Variants in GATA4 observed in about 807,000 individuals in gnomAD.
GATA4 encodes transcription factor GATA-4.
In GATA4, 7 loss-of-function variants were observed where a neutral mutation model predicts 37.9. The observed-to-expected ratio is 0.18, with a 90% CI of 0.11 to 0.35. The LOEUF is 0.35. Ranked by LOEUF, GATA4 falls within the 10% of genes least tolerant of loss-of-function variation. GATA4 has a pLI of 1.00. For missense variants in GATA4, 647 were observed against 653.0 expected (o/e 0.99, Z 0.10); for synonymous variants, 372 against 292.6 (o/e 1.27, Z -2.77).
rs551079040 is a variant in GATA4, at chr8:11,745,276, G to A, written c.617-3640G>A. On this transcript the variant is annotated intron_variant, in intron 2 of 6. Coordinates refer to ENST00000532059, the MANE Select transcript of GATA4 (RefSeq NM_001308093.3). Reference sequence around the variant, plus strand: ...CCTGCGTCCTTTAATAAGATTCTGGGGTGGGCACAGTTCTGGGGTGGACAT... The same window carrying A: ...CCTGCGTCCTTTAATAAGATTCTGGAGTGGGCACAGTTCTGGGGTGGACAT... 1.3e-4 allele frequency among the ~76,000 whole-genome samples: 20 copies of A among 152,150 alleles called. No individual in the cohort carries two copies. The East Asian group carries it at 3.7e-3, about 28-fold the overall frequency.
At chr8:11,739,534 C>A (rs571510578) in intron 2 of GATA4, among the ~76,000 whole-genome samples, 17 of 149,440 alleles carry the variant, frequency 1.1e-4, no homozygotes, top group Non-Finnish European at 1.2e-4. Flanking sequence ...CACACACACA[C>A]GGAAACTTCT....
chr8:11,697,423 A>G (rs951752878), intron 1 of GATA4: 2 of 394,780 alleles, frequency 5.1e-6, no homozygotes, highest in East Asian at 1.6e-4. Context: ...CTGTTGTTAC[A>G]AGAAACCGAT....
At chr8:11,729,147 C>G (rs1388800652) in intron 2 of GATA4, among the ~76,000 whole-genome samples, 1 of 152,192 alleles carries the variant, frequency 6.6e-6, no homozygotes, top group African/African-American at 2.4e-5. Flanking sequence ...GCAGGAGAAT[C>G]ACTTGAACCT....
chr8:11,708,231 T>C lies in GATA4; in HGVS notation c.-82T>C, dbSNP rs1178934934. 2.3e-5 allele frequency: 34 copies of C among 1,464,488 alleles called. No individual in the cohort carries two copies. Among genetic ancestry groups the C allele is most frequent in the Non-Finnish European group, 3.0e-5 (33 of 1,082,706 alleles). 90.7% of individuals were successfully genotyped at this position (1,464,488 alleles called of 1,614,324 possible). Reference sequence around the variant, plus strand: ...GTTCCTCCCACGCATATTATCGTTGTTGCCGTCGTTTTCTCTCCCCGCGTG... The same window carrying C: ...GTTCCTCCCACGCATATTATCGTTGCTGCCGTCGTTTTCTCTCCCCGCGTG... On this transcript the variant is annotated 5_prime_UTR_variant, in exon 2 of 7. Coordinates refer to ENST00000532059, the MANE Select transcript of GATA4 (RefSeq NM_001308093.3). The surrounding 1 kb of genome is among the most constrained non-coding windows in gnomAD (Gnocchi z 6.7).
chr8:11,745,374 G>C (rs1585677252), intron 2 of GATA4, among the ~76,000 whole-genome samples: 1 of 135,400 alleles, frequency 7.4e-6, no homozygotes, highest in African/African-American at 3.0e-5. Context: ...AGGAGTTCAA[G>C]ACCAGTCTGT....
chr8:11,708,787 TC>T lies in GATA4; in HGVS notation c.477del (p.Ser160AlafsTer47). The T allele has an allele frequency of 6.8e-7, 1 of 1,468,454 alleles. No individual in the cohort carries two copies. The highest frequency in any genetic ancestry group is 9.0e-7 in the Non-Finnish European group (1 of 1,116,962). 91.0% of individuals were successfully genotyped at this position (1,468,454 alleles called of 1,614,324 possible). The part of the protein sequence containing the change: ...YGRAGFAGSY[S>X]SPYPAYMADV... The stretch of plus-strand genomic sequence containing the variant: ...GCGCGCCGGCTTCGCGGGCTCCTAC[TC>T]CAGCCCCTACCCGGCTTACATGGCC... On this transcript the variant is annotated frameshift_variant, in exon 2 of 7. Coordinates refer to ENST00000532059, the MANE Select transcript of GATA4 (RefSeq NM_001308093.3). LOFTEE classifies it high-confidence loss of function. The surrounding 1 kb of genome is among the most constrained non-coding windows in gnomAD (Gnocchi z 6.7).
At position 11,680,609 on chromosome 8, in the gene GATA4, C is replaced by T. The variant is rs552949184; in HGVS notation, c.-274+3546C>T. The T allele has an allele frequency of 3.5e-5, 34 of 985,314 alleles. 1 individual carries two copies. The South Asian group carries it at 1.5e-3, about 44-fold the overall frequency. The allele number at this position is 985,314 out of a possible 1,614,324, so 61.0% of individuals were successfully genotyped here. A position where few individuals can be genotyped will look rare whatever the true frequency, so the allele number is the denominator to read the frequency against. On this transcript the variant is annotated intron_variant, in intron 1 of 6. Coordinates refer to the GATA4 transcript ENST00000528712. ...TGCCCAGCCGGGTCCGAGCGGCGGT[C>T]GGTGGCGTGACCTCTTGCCACGCCT...
chr8:11,699,605 C>T (rs1043637652), upstream of GATA4, among the ~76,000 whole-genome samples: 2 of 152,244 alleles, frequency 1.3e-5, no homozygotes, highest in Admixed American at 6.5e-5. Context: ...CATGGCGGCG[C>T]CTGCGTGGCC....
chr8:11,688,839 A>T (rs570223682), upstream of GATA4, among the ~76,000 whole-genome samples: 1 of 152,360 alleles, frequency 6.6e-6, no homozygotes, highest in South Asian at 2.1e-4. Context: ...CCTGAAGCAC[A>T]AACTGGTGGA....
chr8:11,729,925 C>T (rs1168046421), intron 2 of GATA4, among the ~76,000 whole-genome samples: 1 of 143,838 alleles, frequency 7.0e-6, no homozygotes, highest in East Asian at 1.9e-4. Flanking sequence ...TATTTGTTGT[C>T]GTTGTTTCTA....
intron 1 of GATA4, chr8:11,694,572 TCATGGAAGC>T (rs1799448368): frequency 1.1e-6 from 1 of 924,438 alleles, no homozygotes. Flanking sequence ...ACAGAGAAGA[TCATGGAAGC>T]CAAACTGTCT....
chr8:11,732,899 C>G (rs899323607), intron 2 of GATA4, among the ~76,000 whole-genome samples: 2 of 152,058 alleles, frequency 1.3e-5, no homozygotes, highest in African/African-American at 4.8e-5. Flanking sequence ...GAGGGAAAGA[C>G]TTCGAGAGCT....
At chr8:11,720,110 C>G (rs557257025) in intron 2 of GATA4, among the ~76,000 whole-genome samples, 3 of 151,882 alleles carry the variant, frequency 2.0e-5, no homozygotes, top group East Asian at 2.0e-4. Flanking sequence ...CTCCCAGACC[C>G]TTCTCTTCCT....
intron 2 of GATA4, among the ~76,000 whole-genome samples, chr8:11,745,958 T>C (rs1563225263): frequency 6.6e-6 from 1 of 152,162 alleles, no homozygotes; most frequent in Non-Finnish European, 1.5e-5. Flanking sequence ...TCTGTCCCCT[T>C]CTGAATATGT....
chr8:11,738,510 G>A (rs7837969), intron 2 of GATA4, among the ~76,000 whole-genome samples: 1,735 of 152,250 alleles, frequency 0.011, 30 homozygotes, highest in African/African-American at 0.039. Flanking sequence ...GCTACATAGT[G>A]TGCCTTAATT....
At chr8:11,716,326 G>A (rs1800431231) in intron 2 of GATA4, among the ~76,000 whole-genome samples, 1 of 151,506 alleles carries the variant, frequency 6.6e-6, no homozygotes, top group Non-Finnish European at 1.5e-5. Flanking sequence ...TTTTTTTAAA[G>A]AAGATTCTCT....
intron 2 of GATA4, among the ~76,000 whole-genome samples, chr8:11,731,658 A>G (rs1338247072): frequency 6.6e-6 from 1 of 152,216 alleles, no homozygotes; most frequent in African/African-American, 2.4e-5. Context: ...AGTTGTAGAG[A>G]TTAGTTTCAC....
chr8:11,706,516 A>G (rs1244652811), intron 1 of GATA4, among the ~76,000 whole-genome samples: 2 of 152,240 alleles, frequency 1.3e-5, no homozygotes. Context: ...CTACAAAATA[A>G]GTACCTTTAA....
At chr8:11,706,329 A>G (rs1460497889) in intron 1 of GATA4, among the ~76,000 whole-genome samples, 9 of 152,222 alleles carry the variant, frequency 5.9e-5, no homozygotes, top group Admixed American at 5.9e-4. Context: ...AAAGATGATC[A>G]TTTATTATAG....
Sources: gnomAD v4.1 joint callset for allele counts (sites outside exome capture counted in the v4.1 genomes callset) on GRCh38, gnomAD v4.1.1 for gene constraint, Gnocchi (gnomAD v3.1) non-coding constraint, MANE v1.5 for transcripts, NCBI Gene and HGNC (gene_info 2026-07-23, HGNC 2026-07-21) for gene names.